TSHZ1: variants seen among roughly 807,000 people sequenced by gnomAD.
TSHZ1 encodes the protein teashirt homolog 1.
TSHZ1 carries 12 observed loss-of-function variants against 67.1 expected under a neutral mutation model. The observed-to-expected ratio is 0.18, with a 90% CI of 0.11 to 0.29. The LOEUF is 0.29. TSHZ1 is among the 10% of genes least tolerant of loss of function. TSHZ1 has a pLI of 1.00. For synonymous variants in TSHZ1, 632 were observed against 622.4 expected (o/e 1.02, Z -0.23); for missense variants, 1,305 against 1,413.9 (o/e 0.92, Z 1.23).
At chr18:75,275,416 C>T (rs1468021574) in intron 1 of TSHZ1, among the ~76,000 whole-genome samples, 3 of 152,130 alleles carry the variant, frequency 2.0e-5, no homozygotes, top group African/African-American at 7.2e-5. Context: ...GATTTGGCGA[C>T]GTTTGTTTGT....
chr18:75,273,538 A>G (rs757825730), intron 1 of TSHZ1, among the ~76,000 whole-genome samples: 40 of 152,262 alleles, frequency 2.6e-4, no homozygotes, highest in Non-Finnish European at 4.9e-4. Context: ...CATAATTTTT[A>G]TCTGATTTGC....
At chr18:75,243,092 C>A (rs2023177512) in intron 1 of TSHZ1, among the ~76,000 whole-genome samples, 1 of 152,160 alleles carries the variant, frequency 6.6e-6, no homozygotes, top group South Asian at 2.1e-4. Context: ...GGAGCACAGC[C>A]TAGGATGCAG....
rs377724189 is a variant in TSHZ1, at chr18:75,285,723, G to A, written c.316G>A (p.Val106Ile). ...GGAGGATCCGCAGTGTCCCGACAGC[G>A]TCTCGTACCCCCAGGACAGCCTGGC... ...EKEDPQCPDS[V>I]SYPQDSLAQI... is the part of the protein sequence containing the mutation. The change falls in exon 2 of 2, where the codon GTC becomes ATC. Residue 106 changes from valine (V) to isoleucine (I), a missense_variant. Physicochemically the swap from Val to Ile is conservative, Grantham distance 29. This residue lies in a region of TSHZ1 where 358 missense variants were observed against 375.6 expected (regional missense o/e 0.95). Coordinates refer to ENST00000580243, the MANE Select transcript of TSHZ1 (RefSeq NM_001308210.2). 16 of 1,613,976 alleles carry A rather than the reference G, an allele frequency of 9.9e-6. No individual in the cohort carries two copies. The highest frequency in any genetic ancestry group is 4.0e-5 in the African/African-American group (3 of 74,896).
chr18:75,218,182 A>G (rs2022797891), intron 1 of TSHZ1, among the ~76,000 whole-genome samples: 1 of 152,248 alleles, frequency 6.6e-6, no homozygotes, highest in Non-Finnish European at 1.5e-5. Flanking sequence ...TAGGAAGGGT[A>G]TTAAAGCTGA....
chr18:75,251,205 C>A (rs1011714554), intron 1 of TSHZ1, among the ~76,000 whole-genome samples: 1 of 152,070 alleles, frequency 6.6e-6, no homozygotes, highest in African/African-American at 2.4e-5. Context: ...ATTTTTTCCT[C>A]TTTGCAAAAG....
intron 1 of TSHZ1, among the ~76,000 whole-genome samples, chr18:75,261,514 A>C (rs1599046062): frequency 6.6e-6 from 1 of 152,246 alleles, no homozygotes; most frequent in African/African-American, 2.4e-5. Context: ...GTCCCTCAGC[A>C]CAGCCACAGA....
rs778338534 is a variant in TSHZ1, at chr18:75,287,562, C to T, written c.2155C>T (p.Leu719Phe). 20 of 1,614,228 alleles carry T rather than the reference C, an allele frequency of 1.2e-5. No homozygotes were observed. The highest frequency in any genetic ancestry group is 1.7e-5 in the Non-Finnish European group (20 of 1,180,048). Reference sequence around the variant, plus strand: ...TCACACCCCAAATGGCACAGAGCCTCTCAAAGCAAAGGTCACCAACGGCTG... The same window carrying T: ...TCACACCCCAAATGGCACAGAGCCTTTCAAAGCAAAGGTCACCAACGGCTG... ...DVHTPNGTEP[L>F]KAKVTNGCNN... The change falls in exon 2 of 2, where the codon CTC (leucine) becomes TTC (phenylalanine). Residue 719 changes from leucine to phenylalanine, a missense_variant. Transcript: ENST00000580243. This position sits in a 1 kb window ranked among gnomAD's most constrained non-coding sequence, Gnocchi z 5.0.
Position 75,258,183 on chromosome 18 carries a change from C to A in TSHZ1, c.41-27265C>A, listed in dbSNP as rs932277978. Reference sequence around the variant, plus strand: ...CAGGGACCCTTCCTCTGTGCTCCTCCACAGCCACCATGCGGGTTTTGTTGG... The same window carrying A: ...CAGGGACCCTTCCTCTGTGCTCCTCAACAGCCACCATGCGGGTTTTGTTGG... On this transcript the variant is annotated intron_variant, in intron 1 of 1. Transcript: ENST00000580243. 2.0e-5 allele frequency among the ~76,000 whole-genome samples: 3 copies of A among 152,310 alleles called. 1 individual carries two copies. The East Asian group carries it at 5.8e-4, about 29-fold the overall frequency.
At chr18:75,262,605 T>C (rs978564424) in intron 1 of TSHZ1, among the ~76,000 whole-genome samples, 4 of 152,238 alleles carry the variant, frequency 2.6e-5, no homozygotes, top group African/African-American at 9.6e-5. Context: ...ATTAAGCATA[T>C]ATCTGGCCTC....
At chr18:75,235,778 C>G (rs541362567) in intron 1 of TSHZ1, among the ~76,000 whole-genome samples, 1 of 152,196 alleles carries the variant, frequency 6.6e-6, no homozygotes, top group Non-Finnish European at 1.5e-5. Flanking sequence ...ATTCCATTTT[C>G]CAATTCATCT....
chr18:75,268,221 G>C (rs977148575), intron 1 of TSHZ1, among the ~76,000 whole-genome samples: 4 of 152,182 alleles, frequency 2.6e-5, no homozygotes, highest in African/African-American at 9.7e-5. Context: ...ATTTTCCCAG[G>C]AAGGAGAGTT....
rs763522691 is a variant in TSHZ1 at position 75,285,497 on chromosome 18, C to A, written c.90C>A (p.His30Gln). ...ELKAAEIDEE[H>Q]VEDDGLSLDI... ...AGGCAGCAGAAATAGATGAAGAGCACGTGGAGGATGACGGGCTGTCTTTGG... is the reference window on the plus strand; with the variant it reads ...AGGCAGCAGAAATAGATGAAGAGCAAGTGGAGGATGACGGGCTGTCTTTGG... The change falls in exon 2 of 2, where the codon CAC (histidine) becomes CAA (glutamine). Residue 30 changes from histidine to glutamine, a missense_variant. His to Gln is a conservative substitution (Grantham distance 24, BLOSUM62 0). Transcript: ENST00000580243. 2.6e-6 allele frequency: 4 copies of A among 1,525,078 alleles called. No homozygotes were observed. The East Asian group carries it at 9.1e-5, about 35-fold the overall frequency. The allele number at this position is 1,525,078 out of a possible 1,614,324, so 94.5% of individuals were successfully genotyped here.
intron 1 of TSHZ1, among the ~76,000 whole-genome samples, chr18:75,236,116 A>AGC (rs2023067195): frequency 6.6e-6 from 1 of 152,178 alleles, no homozygotes; most frequent in African/African-American, 2.4e-5. Context: ...CGTGATAGGA[A>AGC]GTGTGCGTGT....
intron 1 of TSHZ1, among the ~76,000 whole-genome samples, chr18:75,270,415 C>G (rs2023543386): frequency 6.6e-6 from 1 of 152,216 alleles, no homozygotes; most frequent in Non-Finnish European, 1.5e-5. Flanking sequence ...TAATGCAAAG[C>G]ATAACGCTGG....
At chr18:75,251,392 A>G (rs996284302) in intron 1 of TSHZ1, among the ~76,000 whole-genome samples, 1 of 151,568 alleles carries the variant, frequency 6.6e-6, no homozygotes, top group Admixed American at 6.6e-5. Context: ...TCAAACAAAG[A>G]TGGGAGGATG....
chr18:75,246,515 CTT>C (rs2023226633), intron 1 of TSHZ1, among the ~76,000 whole-genome samples: 1 of 151,084 alleles, frequency 6.6e-6, no homozygotes, highest in Non-Finnish European at 1.5e-5. Flanking sequence ...GTGCAGAACT[CTT>C]GATCCCTTGA....
chr18:75,276,884 G>A (rs1197487938), intron 1 of TSHZ1, among the ~76,000 whole-genome samples: 1 of 152,216 alleles, frequency 6.6e-6, no homozygotes, highest in Non-Finnish European at 1.5e-5. Flanking sequence ...GTCTTTCACA[G>A]CCAGCTCTCA....
In TSHZ1 at chr18:75,288,277, C is replaced by T. The variant is rs1164013464; in HGVS notation, c.2870C>T (p.Thr957Met). The T allele has an allele frequency of 1.9e-6, 3 of 1,614,014 alleles. No individual in the cohort carries two copies. Among genetic ancestry groups the T allele is most frequent in the Admixed American group, 1.7e-5 (1 of 60,000 alleles). The change falls in exon 2 of 2, where the codon ACG becomes ATG. Residue 957 changes from threonine to methionine, a missense_variant. Thr to Met is a moderately conservative substitution (Grantham distance 81). This residue lies in a region of TSHZ1 where 909 missense variants were observed against 961.8 expected (regional missense o/e 0.95). Transcript: ENST00000580243. This position sits in a 1 kb window ranked among gnomAD's most constrained non-coding sequence, Gnocchi z 4.9. Reference sequence around the variant, plus strand: ...TACCAGTTGAGGAGGACAGGGGGAACGAAATTCCTAAAGAACCTGGACACA... The same window carrying T: ...TACCAGTTGAGGAGGACAGGGGGAATGAAATTCCTAAAGAACCTGGACACA... ...VKYQLRRTGGTKFLKNLDTGH... is the reference protein window; with the variant it reads ...VKYQLRRTGGMKFLKNLDTGH...
At chr18:75,241,684 C>G (rs868648967) in intron 1 of TSHZ1, among the ~76,000 whole-genome samples, 1 of 152,140 alleles carries the variant, frequency 6.6e-6, no homozygotes, top group African/African-American at 2.4e-5. Flanking sequence ...AAACCATAAA[C>G]AAACCAATAG....
Sources: gnomAD v4.1 joint callset for allele counts (sites outside exome capture counted in the v4.1 genomes callset) on GRCh38, gnomAD v4.1.1 for gene constraint, gnomAD v4.1.1 regional missense constraint, Gnocchi (gnomAD v3.1) non-coding constraint, MANE v1.5 for transcripts, NCBI Gene and HGNC (gene_info 2026-07-23, HGNC 2026-07-21) for gene names.